Variants in NEDD4L observed in about 807,000 individuals in gnomAD.
NEDD4L encodes the protein NEDD4 like E3 ubiquitin protein ligase.
NEDD4L carries 54 observed loss-of-function variants against 148.9 expected under a neutral mutation model. The ratio of observed to expected loss-of-function variants is 0.36; its 90% CI spans 0.29 to 0.45. NEDD4L has a LOEUF of 0.45. Among genes scored for constraint, NEDD4L ranks in the 20% least tolerant of loss-of-function variants. NEDD4L has a pLI of 1.00. For missense variants in NEDD4L, 856 were observed against 1,233.8 expected, an observed-to-expected ratio of 0.69 and a Z score of 4.59; for synonymous variants, 433 against 440.7, an observed-to-expected ratio of 0.98 and a Z score of 0.22.
At chr18:58,084,572 C>CA (rs1254885673) in intron 1 of NEDD4L, among the ~76,000 whole-genome samples, 7 of 151,918 alleles carry the variant, frequency 4.6e-5, no homozygotes, top group Non-Finnish European at 8.8e-5. Flanking sequence ...GCTAGAAGTC[C>CA]AAAATCAAGA....
chr18:58,343,189 C>A, intron 16 of NEDD4L, 86 bp downstream of exon 16: 2 of 1,301,514 alleles, frequency 1.5e-6, no homozygotes, highest in Non-Finnish European at 2.1e-6. Flanking sequence ...GTAGTTCTTG[C>A]AGAGGAATTG....
intron 2 of NEDD4L, among the ~76,000 whole-genome samples, chr18:58,234,729 G>C (rs918562833): frequency 1.3e-5 from 2 of 152,152 alleles, no homozygotes; most frequent in Non-Finnish European, 2.9e-5. Context: ...CATCTTATAA[G>C]ATAGAGAATG....
chr18:58,268,715 TAAAG>T lies in NEDD4L; in HGVS notation c.297+16669_297+16672del, dbSNP rs1214246489. Among the ~76,000 whole-genome samples, 7 of 152,164 alleles carry T rather than the reference TAAAG, an allele frequency of 4.6e-5. No homozygotes were observed. The East Asian group carries it at 5.8e-4, about 13-fold the overall frequency. ...ATTTTCTTTAGAACGTGGATTTAAATAAAGAAAGAAATAGACATCATGCTTTGTA... is the reference window on the plus strand; with the variant it reads ...ATTTTCTTTAGAACGTGGATTTAAATAAAGAAATAGACATCATGCTTTGTA... On this transcript the variant is annotated intron_variant, in intron 5 of 30. Transcript: ENST00000400345.
At chr18:58,232,972 C>A (rs1469344762) in intron 2 of NEDD4L, among the ~76,000 whole-genome samples, 2 of 152,156 alleles carry the variant, frequency 1.3e-5, no homozygotes, top group Non-Finnish European at 2.9e-5. Flanking sequence ...TAGGGCAGAT[C>A]CACGATCCTT....
chr18:58,284,266 A>G (rs781681903), intron 5 of NEDD4L, among the ~76,000 whole-genome samples: 23 of 152,100 alleles, frequency 1.5e-4, no homozygotes, highest in Non-Finnish European at 2.9e-4. Context: ...TGAAACAAGG[A>G]CCCTCTCGGG....
chr18:58,231,764 A>G (rs1461386718), intron 2 of NEDD4L, among the ~76,000 whole-genome samples: 1 of 151,946 alleles, frequency 6.6e-6, no homozygotes, highest in Non-Finnish European at 1.5e-5. Context: ...GGGCTTCACC[A>G]TGTTGGCCAG....
chr18:58,368,400 G>A (rs1024514532), intron 22 of NEDD4L, among the ~76,000 whole-genome samples: 2 of 152,162 alleles, frequency 1.3e-5, no homozygotes, highest in African/African-American at 2.4e-5. Context: ...TTGAAAGTTA[G>A]AAGTCAAACC....
At chr18:58,046,178 T>C (rs2081574615) in intron 1 of NEDD4L, among the ~76,000 whole-genome samples, 2 of 152,242 alleles carry the variant, frequency 1.3e-5, no homozygotes, top group Admixed American at 1.3e-4. Context: ...CTCGCTGTGC[T>C]TTTGTAAAAT....
chr18:58,200,723 G>A (rs553960604), intron 2 of NEDD4L, among the ~76,000 whole-genome samples: 1 of 152,218 alleles, frequency 6.6e-6, no homozygotes, highest in Non-Finnish European at 1.5e-5. Context: ...TGGACTTACA[G>A]ATGAAAGAAC....
intron 2 of NEDD4L, among the ~76,000 whole-genome samples, chr18:58,168,648 C>T (rs765657707): frequency 6.6e-6 from 1 of 151,854 alleles, no homozygotes; most frequent in African/African-American, 2.4e-5. Context: ...CCTGAGTATT[C>T]CCCGCACCTC....
intron 1 of NEDD4L, among the ~76,000 whole-genome samples, chr18:58,091,871 C>T (rs1018669029): frequency 6.6e-6 from 1 of 152,200 alleles, no homozygotes; most frequent in Non-Finnish European, 1.5e-5. Context: ...CCTTTGGCAA[C>T]CAGATGCCAC....
intron 23 of NEDD4L, chr18:58,372,461 C>G (rs566175591): frequency 1.3e-5 from 2 of 152,232 alleles, no homozygotes; most frequent in East Asian, 3.9e-4. Context: ...GATACTTTCA[C>G]TCTTTTTTTA....
intron 5 of NEDD4L, among the ~76,000 whole-genome samples, chr18:58,298,560 C>T (rs2056014385): frequency 6.6e-6 from 1 of 152,324 alleles, no homozygotes; most frequent in Admixed American, 6.5e-5. Context: ...AATGCATGTG[C>T]AACGTTTAGA....
At chr18:58,047,546 T>C (rs1311992193) in intron 1 of NEDD4L, 1 of 976,886 alleles carries the variant, frequency 1.0e-6, no homozygotes, top group Non-Finnish European at 1.2e-6. Flanking sequence ...CTTGTGTGAA[T>C]GTATGTGCTG....
intron 2 of NEDD4L, among the ~76,000 whole-genome samples, chr18:58,176,100 A>G (rs1439924635): frequency 6.6e-6 from 1 of 151,662 alleles, no homozygotes; most frequent in Non-Finnish European, 1.5e-5. Context: ...CAGGGAATAT[A>G]TGATCAGTTT....
chr18:58,165,522 C>A, intron 1 of NEDD4L: 1 of 314,816 alleles, frequency 3.2e-6, no homozygotes, highest in Non-Finnish European at 4.6e-6. Flanking sequence ...CTTTAAATGG[C>A]AGGAGTAATT....
chr18:58,180,066 T>A (rs188134633), intron 2 of NEDD4L, among the ~76,000 whole-genome samples: 72 of 152,252 alleles, frequency 4.7e-4, no homozygotes, highest in Non-Finnish European at 9.1e-4. Context: ...GGTATAGAAT[T>A]CTATCTCTAA....
At chr18:58,324,973 G>A (rs774645054) in intron 8 of NEDD4L, 23 bp from the exon 9 acceptor site, 117 of 1,602,248 alleles carry the variant, frequency 7.3e-5, no homozygotes, top group Non-Finnish European at 9.5e-5. Context: ...CCTCATAATC[G>A]TCCCTTTAAC....
chr18:58,104,770 T>C (rs1384984024), intron 1 of NEDD4L, among the ~76,000 whole-genome samples: 1 of 152,220 alleles, frequency 6.6e-6, no homozygotes. Flanking sequence ...AACATTGTTT[T>C]GCACCGTTTC....
Sources: gnomAD v4.1 joint callset for allele counts (sites outside exome capture counted in the v4.1 genomes callset) on GRCh38, gnomAD v4.1.1 for gene constraint, MANE v1.5 for transcripts, NCBI Gene and HGNC (gene_info 2026-07-23, HGNC 2026-07-21) for gene names.